The following PGBD5 variants were observed in gnomAD, a reference collection of about 807,000 sequenced individuals.
PGBD5 encodes piggyBac transposable element-derived protein 5.
Under a neutral mutation model 47.9 loss-of-function variants are expected in PGBD5, and 14 were observed. The ratio of observed to expected loss-of-function variants is 0.29; its 90% CI spans 0.19 to 0.46. The LOEUF is 0.46. Ranked by LOEUF, PGBD5 falls within the 20% of genes least tolerant of loss-of-function variation. PGBD5 has a pLI of 1.00. For missense variants in PGBD5, 635 were observed against 716.0 expected (o/e 0.89, Z 1.29); for synonymous variants, 316 against 306.3 (o/e 1.03, Z -0.33).
chr1:230,330,396 A>G (rs539899400), intron 5 of PGBD5, among the ~76,000 whole-genome samples: 10 of 152,228 alleles, frequency 6.6e-5, no homozygotes, highest in African/African-American at 1.9e-4. Context: ...GATGTGCCCA[A>G]ATGTTTATGT....
Position 230,319,798 on chromosome 1 carries a change from C to T in PGBD5, c.*3627G>A, listed in dbSNP as rs971337438. 3 of 151,306 alleles carry T rather than the reference C, an allele frequency of 2.0e-5. No homozygotes were observed. The highest frequency in any genetic ancestry group is 2.4e-5 in the African/African-American group (1 of 41,104). 9.4% of individuals were successfully genotyped at this position (151,306 alleles called of 1,614,324 possible). A position where few individuals can be genotyped will look rare whatever the true frequency, so the allele number is the denominator to read the frequency against. On this transcript the variant is annotated 3_prime_UTR_variant, in exon 7 of 7. Transcript: ENST00000391860. ...ACTTGCCTGACTTTTGAAAGATGTC[C>T]CTAGTATAATGTCCCATGGACCACG...
At chr1:230,325,856 G>A (rs1289068029) in intron 5 of PGBD5, among the ~76,000 whole-genome samples, 1 of 151,994 alleles carries the variant, frequency 6.6e-6, no homozygotes, top group Non-Finnish European at 1.5e-5. Flanking sequence ...ACAGCACCAT[G>A]GAGCCCTTTC....
chr1:230,377,275 T>C (rs1668028204), intron 1 of PGBD5, among the ~76,000 whole-genome samples: 3 of 152,234 alleles, frequency 2.0e-5, no homozygotes, highest in African/African-American at 7.2e-5. Context: ...TTAACCCTGA[T>C]TCCAACATTG....
chr1:230,410,606 G>A (rs1387764432), intron 1 of PGBD5, among the ~76,000 whole-genome samples: 1 of 152,046 alleles, frequency 6.6e-6, no homozygotes, highest in East Asian at 1.9e-4. Flanking sequence ...AGGGGAACTG[G>A]AGGATATCTT....
intron 1 of PGBD5, among the ~76,000 whole-genome samples, chr1:230,367,743 G>C (rs576030835): frequency 9.2e-5 from 14 of 152,288 alleles, no homozygotes; most frequent in Middle Eastern, 3.4e-3. Context: ...TAGGCTTCAA[G>C]AATTATACTC....
chr1:230,325,980 T>C (rs745729723), intron 5 of PGBD5, among the ~76,000 whole-genome samples: 3 of 152,114 alleles, frequency 2.0e-5, no homozygotes, highest in Non-Finnish European at 4.4e-5. Flanking sequence ...TAGGCTGTGG[T>C]TTTGCATCCT....
At chr1:230,364,111 A>G (rs1374092909) in intron 1 of PGBD5, among the ~76,000 whole-genome samples, 1 of 152,140 alleles carries the variant, frequency 6.6e-6, no homozygotes. Flanking sequence ...CCCTTGCTCA[A>G]TCTCTTTGTT....
intron 1 of PGBD5, among the ~76,000 whole-genome samples, chr1:230,416,398 T>G (rs1657513456): frequency 6.6e-6 from 1 of 152,194 alleles, no homozygotes; most frequent in African/African-American, 2.4e-5. Flanking sequence ...ATCTATTCCT[T>G]TGTTCATTCA....
Position 230,316,100 on chromosome 1 carries a change from T to C in PGBD5, c.*7325A>G, listed in dbSNP as rs201012991. The C allele has an allele frequency of 1.8e-5, 2 of 113,512 alleles. No homozygotes were observed. Among genetic ancestry groups the C allele is most frequent in the African/African-American group, 6.3e-5 (2 of 31,940 alleles). The allele number at this position is 113,512 out of a possible 1,614,324, so 7.0% of individuals were successfully genotyped here. A position where few individuals can be genotyped will look rare whatever the true frequency, so the allele number is the denominator to read the frequency against. ...TGTTTATGTGTATACATACATATGT[T>C]TATGTGTACACATATATCTATGTGT... On this transcript the variant is annotated 3_prime_UTR_variant, in exon 7 of 7. Coordinates refer to ENST00000391860, the MANE Select transcript of PGBD5 (RefSeq NM_001258311.2).
chr1:230,405,422 T>G (rs1235671220), intron 1 of PGBD5, among the ~76,000 whole-genome samples: 1 of 152,248 alleles, frequency 6.6e-6, no homozygotes, highest in Non-Finnish European at 1.5e-5. Context: ...ATATTTTCTC[T>G]TTCTTATGAT....
intron 3 of PGBD5, among the ~76,000 whole-genome samples, chr1:230,347,476 C>CTTT (rs71733326): frequency 2.3e-4 from 26 of 113,438 alleles, no homozygotes; most frequent in Non-Finnish European, 3.6e-4. Flanking sequence ...ATTTTCTTTT[C>CTTT]TTTTTTTTTT....
intron 3 of PGBD5, among the ~76,000 whole-genome samples, chr1:230,339,730 C>T (rs1667382093): frequency 6.6e-6 from 1 of 152,222 alleles, no homozygotes; most frequent in South Asian, 2.1e-4. Context: ...GGACATTAAG[C>T]GAAGTGAAAT....
intron 1 of PGBD5, among the ~76,000 whole-genome samples, chr1:230,401,722 G>A (rs529869811): frequency 6.6e-5 from 10 of 152,308 alleles, no homozygotes; most frequent in South Asian, 2.1e-4. Context: ...TCAGGCCTCC[G>A]GCCACATTCG....
rs780899740 is a variant in PGBD5, at chr1:230,357,335, A to G, written c.332-14T>C. ...TTCGGGTGGGACCTGAAACCCAAAG[A>G]CAGGTGGAGTGTTCCTTAGGACGGC... On this transcript the variant is annotated splice_polypyrimidine_tract_variant and intron_variant, in intron 1 of 6. Transcript: ENST00000391860. This position sits in a 1 kb window ranked among gnomAD's most constrained non-coding sequence, Gnocchi z 5.7. The G allele has an allele frequency of 3.0e-5, 48 of 1,609,864 alleles. No homozygotes were observed. The highest frequency in any genetic ancestry group is 3.9e-5 in the Non-Finnish European group (46 of 1,177,386).
Position 230,354,290 on chromosome 1 carries a change from A to C in PGBD5, c.759+2604T>G, listed in dbSNP as rs1450350926. Reference sequence around the variant, plus strand: ...CCTGGAGCCACATGCCCCAGGCTGTATGATGGAGTGTGCTGGGTGTTCTCT... The same window carrying C: ...CCTGGAGCCACATGCCCCAGGCTGTCTGATGGAGTGTGCTGGGTGTTCTCT... On this transcript the variant is annotated intron_variant, in intron 2 of 6. Coordinates refer to ENST00000391860, the MANE Select transcript of PGBD5 (RefSeq NM_001258311.2). 3.3e-5 allele frequency among the ~76,000 whole-genome samples: 5 copies of C among 152,230 alleles called. No homozygotes were observed. In the East Asian group the frequency reaches 9.7e-4, roughly 29 times the overall value.
intron 5 of PGBD5, among the ~76,000 whole-genome samples, chr1:230,327,467 G>A (rs1012646549): frequency 6.6e-6 from 1 of 152,196 alleles, no homozygotes; most frequent in African/African-American, 2.4e-5. Flanking sequence ...TCGCATGGAA[G>A]AAACACTGGC....
chr1:230,358,599 A>G (rs112586782), intron 1 of PGBD5, among the ~76,000 whole-genome samples: 3 of 150,544 alleles, frequency 2.0e-5, no homozygotes, highest in African/African-American at 7.3e-5. Context: ...CCGCCCCCCC[A>G]CAAGATGTTT....
chr1:230,361,502 T>A (rs1042086071), intron 1 of PGBD5, among the ~76,000 whole-genome samples: 4 of 152,066 alleles, frequency 2.6e-5, no homozygotes, highest in African/African-American at 9.7e-5. Context: ...TCACACCACC[T>A]ACCTGGGTTC....
rs1666949918 is a variant in PGBD5, at chr1:230,316,278, T to C, written c.*7147A>G. On this transcript the variant is annotated 3_prime_UTR_variant, in exon 7 of 7. Transcript: ENST00000391860. ...TTAAGTGGACATTGTACTTCTGATG[T>C]GGATACGGTGATGAAGCTACAAAGT... is the stretch of plus-strand genomic sequence containing the variant. 6.5e-6 allele frequency: 1 copy of C among 153,188 alleles called. No homozygotes were observed. Among genetic ancestry groups the C allele is most frequent in the African/African-American group, 2.4e-5 (1 of 41,468 alleles). 9.5% of individuals were successfully genotyped at this position (153,188 alleles called of 1,614,324 possible). A position where few individuals can be genotyped will look rare whatever the true frequency, so the allele number is the denominator to read the frequency against.
Sources: allele counts gnomAD v4.1 joint callset (sites outside exome capture counted in the v4.1 genomes callset), GRCh38; gene constraint gnomAD v4.1.1; non-coding constraint Gnocchi (gnomAD v3.1); transcripts MANE v1.5; gene names NCBI Gene and HGNC (gene_info 2026-07-23, HGNC 2026-07-21).